The following SLC24A3 variants were observed in gnomAD, a reference collection of about 807,000 sequenced individuals.
SLC24A3 encodes sodium/potassium/calcium exchanger 3.
SLC24A3 carries 28 observed loss-of-function variants against 75.8 expected under a neutral mutation model. The ratio of observed to expected loss-of-function variants is 0.37; its 90% CI spans 0.27 to 0.51. The LOEUF (loss-of-function observed/expected upper bound fraction) is 0.51, where lower values mean the gene tolerates loss of function less well. Among genes scored for constraint, SLC24A3 ranks in the 20% least tolerant of loss-of-function variants. The pLI, the probability that SLC24A3 is intolerant of heterozygous loss-of-function variation, is 0.94. For missense variants in SLC24A3, 663 were observed against 847.8 expected (o/e 0.78, Z 2.71); for synonymous variants, 372 against 334.1 (o/e 1.11, Z -1.24).
chr20:19,641,314 A>G (rs2032072829), intron 6 of SLC24A3, among the ~76,000 whole-genome samples: 1 of 152,216 alleles, frequency 6.6e-6, no homozygotes, highest in East Asian at 1.9e-4. Context: ...AGATGATTTC[A>G]GCCCCAAGCC....
In SLC24A3 at chr20:19,476,625, G is replaced by T. The variant is rs180751377; in HGVS notation, c.272-38863G>T. ...AAAGTACATGTCTGATAAAGGACTA[G>T]CATTCAAAATATGTAAAACTATACA... is the stretch of plus-strand genomic sequence containing the variant. On this transcript the variant is annotated intron_variant, in intron 2 of 16. Transcript: ENST00000328041. Among the ~76,000 whole-genome samples, 388 of 152,320 alleles carry T rather than the reference G, an allele frequency of 2.5e-3. 1 individual carries two copies. Among genetic ancestry groups the T allele is most frequent in the African/African-American group, 8.9e-3 (368 of 41,578 alleles).
chr20:19,675,411 T>G (rs1024313686), intron 9 of SLC24A3, among the ~76,000 whole-genome samples: 1 of 152,226 alleles, frequency 6.6e-6, no homozygotes, highest in Non-Finnish European at 1.5e-5. Flanking sequence ...TTAATTCTGG[T>G]GACCAGTGAC....
rs561450044 is a variant in SLC24A3 at position 19,291,243 on chromosome 20, C to T, written c.271+10156C>T. ...TGGTGCTTCGGGGTGGAATGAGGCC[C>T]AGGGAGGCCCAGGTAGGCCTGGTCT... is the stretch of plus-strand genomic sequence containing the variant. On this transcript the variant is annotated intron_variant, in intron 2 of 16. Coordinates refer to ENST00000328041, the MANE Select transcript of SLC24A3 (RefSeq NM_020689.4). 2.6e-5 allele frequency among the ~76,000 whole-genome samples: 4 copies of T among 152,306 alleles called. No homozygotes were observed. In the South Asian group the frequency reaches 6.2e-4, roughly 24 times the overall value.
intron 2 of SLC24A3, among the ~76,000 whole-genome samples, chr20:19,433,755 G>T (rs6046092): frequency 0.46 from 69,327 of 152,116 alleles, 16,530 homozygotes; most frequent in East Asian, 0.92. Flanking sequence ...AGTCCATAGC[G>T]CCAAGGGGAA....
At chr20:19,662,261 G>C (rs1304167455) in intron 7 of SLC24A3, among the ~76,000 whole-genome samples, 1 of 152,174 alleles carries the variant, frequency 6.6e-6, no homozygotes, top group East Asian at 1.9e-4. Flanking sequence ...GCTTACCCAA[G>C]GGTTGCTTTC....
chr20:19,377,606 T>G (rs773201525), intron 2 of SLC24A3, among the ~76,000 whole-genome samples: 1 of 152,206 alleles, frequency 6.6e-6, no homozygotes, highest in Non-Finnish European at 1.5e-5. Context: ...TTTTTCAAAA[T>G]CTGTTGAATG....
intron 3 of SLC24A3, among the ~76,000 whole-genome samples, chr20:19,517,093 C>T (rs6112436): frequency 0.017 from 2,614 of 152,284 alleles, 80 homozygotes; most frequent in African/African-American, 0.06. Flanking sequence ...GTAAGGAGAG[C>T]CTTTGCAACC....
intron 2 of SLC24A3, among the ~76,000 whole-genome samples, chr20:19,464,463 C>T (rs1302275068): frequency 6.6e-6 from 1 of 152,282 alleles, no homozygotes; most frequent in African/African-American, 2.4e-5. Context: ...CGTGCATGCT[C>T]ACAAAGCCAG....
At chr20:19,349,059 C>A (rs1985503994) in intron 2 of SLC24A3, among the ~76,000 whole-genome samples, 3 of 152,186 alleles carry the variant, frequency 2.0e-5, no homozygotes, top group Non-Finnish European at 2.9e-5. Flanking sequence ...AGGCCTTCTT[C>A]TGTGTAGGCT....
chr20:19,355,714 T>G (rs1183759699), intron 2 of SLC24A3, among the ~76,000 whole-genome samples: 1 of 152,250 alleles, frequency 6.6e-6, no homozygotes, highest in Non-Finnish European at 1.5e-5. Flanking sequence ...GGAATGTATA[T>G]GCTTCTTTAT....
chr20:19,464,672 T>A (rs1314093075), intron 2 of SLC24A3, among the ~76,000 whole-genome samples: 5 of 152,240 alleles, frequency 3.3e-5, no homozygotes, highest in Non-Finnish European at 5.9e-5. Flanking sequence ...ACAGTCTACA[T>A]ACAGAGTACA....
chr20:19,479,231 C>A (rs1988010998), intron 2 of SLC24A3, among the ~76,000 whole-genome samples: 1 of 152,232 alleles, frequency 6.6e-6, no homozygotes, highest in Non-Finnish European at 1.5e-5. Flanking sequence ...CTTAGTTTCA[C>A]CACCTTCACC....
chr20:19,706,749 C>T (rs904903909), intron 15 of SLC24A3, among the ~76,000 whole-genome samples: 2 of 152,046 alleles, frequency 1.3e-5, no homozygotes, highest in African/African-American at 4.8e-5. Context: ...TTAGAAAGGA[C>T]GTTCTGACAA....
At chr20:19,213,085 C>T in intron 1 of SLC24A3, 101 bp downstream of exon 1, 1 of 1,128,762 alleles carries the variant, frequency 8.9e-7, no homozygotes, top group East Asian at 3.9e-5. Flanking sequence ...GGCCGGAGCC[C>T]CAGGATAAGC....
At chr20:19,242,141 T>C (rs1235665723) in intron 1 of SLC24A3, among the ~76,000 whole-genome samples, 1 of 151,452 alleles carries the variant, frequency 6.6e-6, no homozygotes, top group African/African-American at 2.4e-5. Context: ...AAGAATTTCC[T>C]GGAAAAGGCA....
At chr20:19,460,700 TC>T (rs1352659402) in intron 2 of SLC24A3, among the ~76,000 whole-genome samples, 2 of 152,136 alleles carry the variant, frequency 1.3e-5, no homozygotes, top group Non-Finnish European at 2.9e-5. Context: ...TGGTGGATAA[TC>T]ATGTTCTCTT....
chr20:19,625,088 T>C (rs960627951), intron 6 of SLC24A3, among the ~76,000 whole-genome samples: 9 of 152,150 alleles, frequency 5.9e-5, no homozygotes, highest in African/African-American at 2.2e-4. Context: ...GTTCTTGTCA[T>C]AAGAGTGGAT....
chr20:19,286,790 T>A (rs1016356597), intron 2 of SLC24A3, among the ~76,000 whole-genome samples: 19 of 152,262 alleles, frequency 1.2e-4, no homozygotes, highest in Admixed American at 1.2e-3. Context: ...TTTAATAATA[T>A]GTTTTATTTG....
intron 2 of SLC24A3, among the ~76,000 whole-genome samples, chr20:19,514,272 T>C (rs993548900): frequency 6.6e-6 from 1 of 152,248 alleles, no homozygotes; most frequent in African/African-American, 2.4e-5. Context: ...CCTTCCTGGC[T>C]GCACTGCCTC....
Sources: gnomAD v4.1 joint callset for allele counts (sites outside exome capture counted in the v4.1 genomes callset) on GRCh38, gnomAD v4.1.1 for gene constraint, MANE v1.5 for transcripts, NCBI Gene and HGNC (gene_info 2026-07-23, HGNC 2026-07-21) for gene names.